The following GPC5 variants were observed in gnomAD, a reference collection of about 807,000 sequenced individuals.
The protein encoded by GPC5 is glypican-5.
Under a neutral mutation model 53.9 loss-of-function variants are expected in GPC5, and 47 were observed. The ratio of observed to expected loss-of-function variants is 0.87; its 90% CI spans 0.69 to 1.11. GPC5 has a LOEUF of 1.11. Among genes scored for constraint, GPC5 ranks in the 50% most tolerant of loss-of-function variants. The probability of loss-of-function intolerance (pLI) is 0.00; values close to 1 mark genes in which losing one functional copy is unlikely to be tolerated. For synonymous variants in GPC5, 286 were observed against 263.3 expected (o/e 1.09, Z -0.84); for missense variants, 748 against 713.1 (o/e 1.05, Z -0.56).
At chr13:91,786,274 C>T (rs954607340) in intron 5 of GPC5, among the ~76,000 whole-genome samples, 8 of 152,156 alleles carry the variant, frequency 5.3e-5, no homozygotes, top group Admixed American at 1.3e-4. Context: ...GGATTACAGG[C>T]GTGAGCCACC....
intron 2 of GPC5, among the ~76,000 whole-genome samples, chr13:91,592,045 G>T (rs2032818864): frequency 2.0e-5 from 3 of 152,172 alleles, no homozygotes; most frequent in Admixed American, 2.0e-4. Context: ...TGCACTAATT[G>T]ATTCTCATCT....
chr13:92,180,502 T>C (rs1036205859), intron 7 of GPC5, among the ~76,000 whole-genome samples: 1 of 95,266 alleles, frequency 1.0e-5, no homozygotes, highest in African/African-American at 3.0e-5. Flanking sequence ...TTATGGGTGA[T>C]TTTTTTTATT....
rs1390856094 is a variant in GPC5 at position 92,264,903 on chromosome 13, TG to T, written c.1561+119915del. On this transcript the variant is annotated intron_variant, in intron 7 of 7. Coordinates refer to ENST00000377067, the MANE Select transcript of GPC5 (RefSeq NM_004466.6). The stretch of plus-strand genomic sequence containing the variant: ...CTGTGTGTGTGTGTGTGTGTGTGTG[TG>T]TGTGTGTGTGTGTGTGTGTGTTGCA... Among the ~76,000 whole-genome samples the T allele has an allele frequency of 7.3e-5, 11 of 150,762 alleles. 1 individual carries two copies. The highest frequency in any genetic ancestry group is 1.5e-4 in the Non-Finnish European group (10 of 67,556).
At chr13:91,480,558 C>A (rs980593450) in intron 2 of GPC5, among the ~76,000 whole-genome samples, 10 of 152,200 alleles carry the variant, frequency 6.6e-5, no homozygotes, top group Non-Finnish European at 1.5e-4. Context: ...TAATTCACTA[C>A]AGCCTCAGTA....
At chr13:92,362,023 C>T (rs1445860819) in intron 7 of GPC5, among the ~76,000 whole-genome samples, 2 of 151,792 alleles carry the variant, frequency 1.3e-5, no homozygotes, top group East Asian at 3.9e-4. Flanking sequence ...AGATTCATAT[C>T]AACCATGATA....
chr13:92,549,484 C>G (rs565389680), intron 7 of GPC5, among the ~76,000 whole-genome samples: 1 of 152,110 alleles, frequency 6.6e-6, no homozygotes, highest in East Asian at 1.9e-4. Flanking sequence ...CAGAGTTAAC[C>G]TTTGTTCAGA....
intron 3 of GPC5, among the ~76,000 whole-genome samples, chr13:91,719,756 A>T (rs2036424087): frequency 6.6e-6 from 1 of 152,202 alleles, no homozygotes; most frequent in Non-Finnish European, 1.5e-5. Flanking sequence ...AATAAAATAT[A>T]TTCTACTCCT....
chr13:91,974,315 G>A (rs2040275504), intron 6 of GPC5, among the ~76,000 whole-genome samples: 1 of 152,192 alleles, frequency 6.6e-6, no homozygotes, highest in Non-Finnish European at 1.5e-5. Context: ...ATTAGGGAAA[G>A]AGGAAGTCAA....
chr13:92,633,479 AG>A (rs1353777017), intron 7 of GPC5, among the ~76,000 whole-genome samples: 15 of 152,188 alleles, frequency 9.9e-5, no homozygotes, highest in African/African-American at 3.6e-4. Flanking sequence ...CACAGAAAAA[AG>A]GTATATAAAA....
intron 7 of GPC5, among the ~76,000 whole-genome samples, chr13:92,693,838 C>T (rs764640580): frequency 1.1e-4 from 16 of 152,060 alleles, no homozygotes; most frequent in Non-Finnish European, 2.1e-4. Context: ...TGTTAATAGC[C>T]AAGACAATGG....
intron 6 of GPC5, among the ~76,000 whole-genome samples, chr13:91,928,314 T>C (rs1374554795): frequency 2.0e-5 from 3 of 152,144 alleles, no homozygotes; most frequent in Non-Finnish European, 4.4e-5. Context: ...TGCTCTCACA[T>C]AGATTCAATT....
At chr13:91,439,100 G>T (rs974182790) in intron 1 of GPC5, among the ~76,000 whole-genome samples, 1 of 152,166 alleles carries the variant, frequency 6.6e-6, no homozygotes, top group Non-Finnish European at 1.5e-5. Flanking sequence ...GCCTTCCCAG[G>T]CTCTTTTGAA....
intron 7 of GPC5, among the ~76,000 whole-genome samples, chr13:92,210,207 A>C (rs2139073328): frequency 6.6e-6 from 1 of 152,300 alleles, no homozygotes; most frequent in Non-Finnish European, 1.5e-5. Flanking sequence ...CATCACAGAT[A>C]GTTAACATGT....
intron 7 of GPC5, among the ~76,000 whole-genome samples, chr13:92,819,029 A>C (rs1318172434): frequency 6.6e-6 from 1 of 151,910 alleles, no homozygotes; most frequent in Admixed American, 6.6e-5. Context: ...GGAAAATAAA[A>C]CCTCGTATAG....
chr13:92,097,204 G>A (rs115667013), intron 6 of GPC5, among the ~76,000 whole-genome samples: 83 of 152,272 alleles, frequency 5.5e-4, no homozygotes, highest in African/African-American at 1.9e-3. Context: ...ACTGTTATGC[G>A]GAAAGGAGAA....
intron 7 of GPC5, among the ~76,000 whole-genome samples, chr13:92,308,351 A>C (rs1473464955): frequency 6.6e-6 from 1 of 152,198 alleles, no homozygotes; most frequent in Non-Finnish European, 1.5e-5. Context: ...AGAGGAGGTA[A>C]GGCCATACTT....
intron 6 of GPC5, among the ~76,000 whole-genome samples, chr13:91,949,580 A>G (rs1444514396): frequency 6.6e-6 from 1 of 152,194 alleles, no homozygotes; most frequent in Non-Finnish European, 1.5e-5. Flanking sequence ...GTTAACATGG[A>G]TAAAATTAAT....
chr13:91,485,894 T>C (rs1883580932), intron 2 of GPC5: 1 of 152,186 alleles, frequency 6.6e-6, no homozygotes, highest in South Asian at 2.1e-4. Flanking sequence ...TGATTATGGA[T>C]TTCTGCATTC....
intron 3 of GPC5, among the ~76,000 whole-genome samples, chr13:91,700,948 G>C (rs376247679): frequency 6.6e-6 from 1 of 152,056 alleles, no homozygotes; most frequent in South Asian, 2.1e-4. Flanking sequence ...TATGTGAATA[G>C]GTCTTCAGGT....
Sources: gnomAD v4.1 joint callset for allele counts (sites outside exome capture counted in the v4.1 genomes callset) on GRCh38, gnomAD v4.1.1 for gene constraint, MANE v1.5 for transcripts, NCBI Gene and HGNC (gene_info 2026-07-23, HGNC 2026-07-21) for gene names.